Variants in LTK observed in about 807,000 individuals in gnomAD.
LTK encodes the protein leukocyte receptor tyrosine kinase.
A neutral mutation model predicts 101.5 loss-of-function variants in LTK; 117 were observed. The observed-to-expected ratio is 1.15, with a 90% confidence interval of 0.99 to 1.34. The LOEUF (loss-of-function observed/expected upper bound fraction) is 1.34, where lower values mean the gene tolerates loss of function less well. Among genes scored for constraint, LTK ranks in the 40% most tolerant of loss-of-function variants. LTK has a pLI of 0.00. For missense variants in LTK, 1,252 were observed against 1,164.7 expected (o/e 1.07, Z -1.09); for synonymous variants, 563 against 494.2 (o/e 1.14, Z -1.85).
intron 17 of LTK, 51 bp from the exon 18 acceptor site, chr15:41,504,691 C>G: frequency 6.2e-7 from 1 of 1,605,742 alleles, no homozygotes; most frequent in Non-Finnish European, 8.5e-7. Context: ...GTAGCCTCCC[C>G]TCACATGAGG....
chr15:41,513,203 G>T, intron 1 of LTK, 83 bp from the exon 2 acceptor site: 1 of 1,470,622 alleles, frequency 6.8e-7, no homozygotes, highest in Non-Finnish European at 9.0e-7. Flanking sequence ...CGCAACAGCT[G>T]CCCTTGCGGT....
Position 41,507,218 on chromosome 15 carries a change from C to T in LTK, c.1418G>A (p.Arg473Gln), listed in dbSNP as rs141709767. Residue 473 changes from arginine to glutamine, a missense_variant, in exon 11 of 20, where the codon CGA becomes CAA. Arg to Gln is a conservative substitution (Grantham distance 43, BLOSUM62 1). Transcript: ENST00000263800. ...PSPELELSKLRTSAIRTAPNP... is the reference protein window; with the variant it reads ...PSPELELSKLQTSAIRTAPNP... ...GGGGGCTGTCCTGATGGCAGAGGTTCGAAGCTTGCTCAGCTCAAGCTCAGG... is the reference window on the plus strand; with the variant it reads ...GGGGGCTGTCCTGATGGCAGAGGTTTGAAGCTTGCTCAGCTCAAGCTCAGG... 1.1e-5 allele frequency: 17 copies of T among 1,613,458 alleles called. No individual in the cohort carries two copies. Among genetic ancestry groups the T allele is most frequent in the African/African-American group, 6.7e-5 (5 of 74,876 alleles).
chr15:41,512,397 G>T, intron 3 of LTK, 132 bp from the exon 4 acceptor site: 1 of 975,386 alleles, frequency 1.0e-6, no homozygotes, highest in Non-Finnish European at 1.5e-6. Flanking sequence ...CGACTCTGAC[G>T]GGATGGGAAG....
Position 41,511,975 on chromosome 15 carries a change from G to A in LTK, c.511-12C>T. 1 of 1,464,312 alleles carries A rather than the reference G, an allele frequency of 6.8e-7. No homozygotes were observed. 90.7% of individuals were successfully genotyped at this position (1,464,312 alleles called of 1,614,324 possible). A position where few individuals can be genotyped will look rare whatever the true frequency, so the allele number is the denominator to read the frequency against. On this transcript the variant is annotated splice_polypyrimidine_tract_variant and intron_variant, in intron 4 of 19. Coordinates refer to ENST00000263800, the MANE Select transcript of LTK (RefSeq NM_002344.6). This position sits in a 1 kb window ranked among gnomAD's most constrained non-coding sequence, Gnocchi z 5.9. Reference sequence around the variant, plus strand: ...CTCTCCGGGCTACCCTGCGGGCAGCGGGGGAGGGAATCGGCGGGGCCCGGG... The same window carrying A: ...CTCTCCGGGCTACCCTGCGGGCAGCAGGGGAGGGAATCGGCGGGGCCCGGG...
At chr15:41,508,768 C>A (rs140157761) in intron 8 of LTK, among the ~76,000 whole-genome samples, 7 of 152,124 alleles carry the variant, frequency 4.6e-5, no homozygotes, top group Non-Finnish European at 8.8e-5. Flanking sequence ...TTGAAAAGCA[C>A]GCAGCATGCC....
rs201187554 is a variant in LTK, at chr15:41,513,714, G to T, written c.-5C>A. 1 of 1,608,616 alleles carries T rather than the reference G, an allele frequency of 6.2e-7. No individual in the cohort carries two copies. Among genetic ancestry groups the T allele is most frequent in the Non-Finnish European group, 8.5e-7 (1 of 1,177,062 alleles). On this transcript the variant is annotated 5_prime_UTR_variant, in exon 1 of 20. Coordinates refer to ENST00000263800, the MANE Select transcript of LTK (RefSeq NM_002344.6). ...CAGCTGTCCCCAGCAGCCCATCCCT[G>T]TTGGGTCCACCCGGCAACAAAAGCC...
chr15:41,512,910 A>G, intron 2 of LTK, 32 bp from the exon 3 acceptor site: 3 of 1,607,410 alleles, frequency 1.9e-6, no homozygotes, highest in South Asian at 2.2e-5. Flanking sequence ...AGGGTCGTCG[A>G]GCCCCTGGCT....
Position 41,505,262 on chromosome 15 carries a change from G to A in LTK, c.1871C>T (p.Ala624Val), listed in dbSNP as rs1210023366. The A allele has an allele frequency of 3.1e-6, 5 of 1,613,944 alleles. No individual in the cohort carries two copies. In the African/African-American group the frequency reaches 4.0e-5, roughly 13 times the overall value. ...PLVMRDLLQLAQDIAQGCHYL... is the reference protein window; with the variant it reads ...PLVMRDLLQLVQDIAQGCHYL... ...GTGGCAGCCCTGGGCTATGTCCTGG[G>A]CCAGTTGCAGCAGGTCCCGCATGAC... The change falls in exon 15 of 20, where the codon GCC becomes GTC. Residue 624 changes from alanine to valine, a missense_variant. Ala to Val is a moderately conservative substitution (Grantham distance 64). Coordinates refer to ENST00000263800, the MANE Select transcript of LTK (RefSeq NM_002344.6).
At chr15:41,513,221 A>C in intron 1 of LTK, 101 bp from the exon 2 acceptor site, 1 of 1,390,316 alleles carries the variant, frequency 7.2e-7, no homozygotes, top group South Asian at 1.3e-5. Context: ...GGTCGCGGCC[A>C]CACCCGTCAC....
At chr15:41,506,695 A>T (rs1324328937) in intron 11 of LTK, among the ~76,000 whole-genome samples, 2 of 152,056 alleles carry the variant, frequency 1.3e-5, no homozygotes, top group Admixed American at 1.3e-4. Context: ...GGTTCAAGTG[A>T]TTCTTCTGCC....
Position 41,512,828 on chromosome 15 carries a change from C to G in LTK, c.238G>C (p.Gly80Arg). 6.2e-7 allele frequency: 1 copy of G among 1,612,500 alleles called. No individual in the cohort carries two copies. The highest frequency in any genetic ancestry group is 8.5e-7 in the Non-Finnish European group (1 of 1,179,672). The change falls in exon 3 of 20, where the codon GGG (glycine) becomes CGG (arginine). Residue 80 changes from glycine (G) to arginine (R), a missense_variant. By Grantham distance (125) the Gly-to-Arg change is moderately radical. Transcript: ENST00000263800. ...FSTCGASGRH[G>R]PTQTQCDGAY... ...CCGTCACATTGTGTCTGTGTGGGCC[C>G]ATGCCGGCCGCTGGCCCCGCAGGTA...
chr15:41,506,134 C>T, intron 11 of LTK, 129 bp from the exon 12 acceptor site: 1 of 621,694 alleles, frequency 1.6e-6, no homozygotes, highest in Non-Finnish European at 2.9e-6. Flanking sequence ...TCTCTCCATA[C>T]CATGGCATGT....
At chr15:41,507,425 A>G in intron 10 of LTK, 135 bp from the exon 11 acceptor site, 2 of 1,529,280 alleles carry the variant, frequency 1.3e-6, no homozygotes, top group South Asian at 1.2e-5. Context: ...TTCCTATCTT[A>G]GAATCCCAGA....
chr15:41,513,624 T>C, intron 1 of LTK, 43 bp downstream of exon 1: 1 of 1,600,548 alleles, frequency 6.2e-7, no homozygotes, highest in South Asian at 1.1e-5. Context: ...CCTAGGAAAG[T>C]GCCTCAGGCT....
chr15:41,506,737 TG>T lies in LTK; in HGVS notation c.1541+357del, dbSNP rs372144421. ...TCCCACGTAGCTGGGATTACAGGCATGCGCCACCATGCCCAGCTAATTTTGT... is the reference window on the plus strand; with the variant it reads ...TCCCACGTAGCTGGGATTACAGGCATCGCCACCATGCCCAGCTAATTTTGT... On this transcript the variant is annotated intron_variant, in intron 11 of 19. Coordinates refer to ENST00000263800, the MANE Select transcript of LTK (RefSeq NM_002344.6). 7.3e-3 allele frequency among the ~76,000 whole-genome samples: 1,111 copies of T among 152,094 alleles called. 9 individuals are homozygous for T. Among genetic ancestry groups the T allele is most frequent in the African/African-American group, 0.025 (1,042 of 41,460 alleles).
Position 41,509,762 on chromosome 15 carries a change from G to C in LTK, c.998-633C>G, listed in dbSNP as rs555379707. 3.2e-4 allele frequency among the ~76,000 whole-genome samples: 49 copies of C among 152,002 alleles called. 1 individual carries two copies. The highest frequency in any genetic ancestry group is 1.1e-3 in the African/African-American group (45 of 41,478). ...TAATCCCAGCTACTCAGGAGGCTGA[G>C]GCAGGAGAATTGCTTGAACCCGGGA... On this transcript the variant is annotated intron_variant, in intron 7 of 19. Transcript: ENST00000263800.
In LTK at chr15:41,505,148, G is replaced by T. The variant is rs80235149; in HGVS notation, c.1925+60C>A. On this transcript the variant is annotated intron_variant, in intron 15 of 19. Transcript: ENST00000263800. Reference sequence around the variant, plus strand: ...CTATTTCCTTAAAAGCTGTGTGGAAGGGCTGTTCCTTGGGGAGGGAGTTGG... The same window carrying T: ...CTATTTCCTTAAAAGCTGTGTGGAATGGCTGTTCCTTGGGGAGGGAGTTGG... The T allele has an allele frequency of 3.9e-4, 625 of 1,586,478 alleles. 4 individuals are homozygous for T. The African/African-American group carries it at 7.9e-3, about 20-fold the overall frequency.
At chr15:41,504,910 C>T (rs759123183) in intron 16 of LTK, 36 bp from the exon 17 acceptor site, 4 of 1,602,580 alleles carry the variant, frequency 2.5e-6, no homozygotes, top group South Asian at 2.2e-5. Flanking sequence ...GAGTTGTTCA[C>T]CACCAAGGTG....
At position 41,512,795 on chromosome 15, in the gene LTK, C is replaced by G; in HGVS notation, c.271G>C (p.Ala91Pro). 1.2e-6 allele frequency: 2 copies of G among 1,612,366 alleles called. No individual in the cohort carries two copies. The highest frequency in any genetic ancestry group is 1.7e-6 in the Non-Finnish European group (2 of 1,179,734). ...PTQTQCDGAYAGTSVVVTVGA... is the reference protein window; with the variant it reads ...PTQTQCDGAYPGTSVVVTVGA... ...ACGGTCACCACCACGCTGGTCCCCGCGTACGCCCCGTCACATTGTGTCTGT... is the reference window on the plus strand; with the variant it reads ...ACGGTCACCACCACGCTGGTCCCCGGGTACGCCCCGTCACATTGTGTCTGT... The change falls in exon 3 of 20, where the codon GCG becomes CCG. Residue 91 changes from alanine (A) to proline (P), a missense_variant. Coordinates refer to ENST00000263800, the MANE Select transcript of LTK (RefSeq NM_002344.6).
Sources: gnomAD v4.1 joint callset for allele counts (sites outside exome capture counted in the v4.1 genomes callset) on GRCh38, gnomAD v4.1.1 for gene constraint, Gnocchi (gnomAD v3.1) non-coding constraint, MANE v1.5 for transcripts, NCBI Gene and HGNC (gene_info 2026-07-23, HGNC 2026-07-21) for gene names.